UXS1: variants seen among roughly 807,000 people sequenced by gnomAD.
UXS1 encodes UDP-glucuronate decarboxylase 1.
UXS1 carries 33 observed loss-of-function variants against 62.6 expected under a neutral mutation model. That is an observed-to-expected ratio of 0.53 (90% CI 0.40 to 0.70). The LOEUF is 0.70. Among genes scored for constraint, UXS1 ranks in the 30% least tolerant of loss-of-function variants. The pLI is 0.00. For synonymous variants in UXS1, 213 were observed against 206.8 expected (o/e 1.03, Z -0.26); for missense variants, 434 against 556.3 (o/e 0.78, Z 2.21).
At chr2:106,188,540 G>A (rs1270018894) in intron 1 of UXS1, among the ~76,000 whole-genome samples, 2 of 152,226 alleles carry the variant, frequency 1.3e-5, no homozygotes, top group Non-Finnish European at 2.9e-5. Context: ...GTCTCTGACA[G>A]AGGAGCCCAG....
At chr2:106,113,321 G>A (rs1678775549) in intron 9 of UXS1, among the ~76,000 whole-genome samples, 1 of 152,178 alleles carries the variant, frequency 6.6e-6, no homozygotes, top group Non-Finnish European at 1.5e-5. Context: ...ATCTGTTTTA[G>A]TGAGAAACTA....
At chr2:106,106,187 A>G (rs1678049620) in intron 10 of UXS1, among the ~76,000 whole-genome samples, 1 of 152,126 alleles carries the variant, frequency 6.6e-6, no homozygotes, top group South Asian at 2.1e-4. Flanking sequence ...CAACATGGAG[A>G]AACCCTGTCT....
At chr2:106,113,171 A>G (rs946524088) in intron 9 of UXS1, among the ~76,000 whole-genome samples, 2 of 152,218 alleles carry the variant, frequency 1.3e-5, no homozygotes, top group Non-Finnish European at 2.9e-5. Flanking sequence ...TTAATCACTC[A>G]ATAGAGATTT....
intron 8 of UXS1, among the ~76,000 whole-genome samples, chr2:106,125,336 T>C (rs1301563652): frequency 6.6e-6 from 1 of 152,216 alleles, no homozygotes; most frequent in Non-Finnish European, 1.5e-5. Context: ...TGGGGTGTTT[T>C]CAGAGCAGAA....
chr2:106,107,309 T>C (rs1239230271), intron 10 of UXS1, among the ~76,000 whole-genome samples: 1 of 152,208 alleles, frequency 6.6e-6, no homozygotes, highest in Non-Finnish European at 1.5e-5. Context: ...AGAGCGGCAG[T>C]GGCCTTCAAC....
chr2:106,115,349 G>T (rs1015544416), intron 9 of UXS1, among the ~76,000 whole-genome samples: 1 of 152,170 alleles, frequency 6.6e-6, no homozygotes, highest in African/African-American at 2.4e-5. Context: ...ATGAACCCCT[G>T]ACTCCCACAC....
chr2:106,095,627 A>G (rs1323350979), intron 14 of UXS1, among the ~76,000 whole-genome samples: 1 of 152,228 alleles, frequency 6.6e-6, no homozygotes, highest in Non-Finnish European at 1.5e-5. Context: ...GTCAGGTCTG[A>G]CAGGTGCCGG....
chr2:106,127,242 T>C (rs1036781707), intron 7 of UXS1, among the ~76,000 whole-genome samples: 1 of 152,222 alleles, frequency 6.6e-6, no homozygotes, highest in Non-Finnish European at 1.5e-5. Context: ...TTTTCATTTC[T>C]CTGGGAGAAA....
intron 5 of UXS1, among the ~76,000 whole-genome samples, chr2:106,148,414 A>G (rs890537683): frequency 4.6e-5 from 7 of 152,202 alleles, no homozygotes; most frequent in African/African-American, 1.4e-4. Flanking sequence ...CTGTTTCTCT[A>G]TATGCAAATA....
intron 1 of UXS1, among the ~76,000 whole-genome samples, chr2:106,167,881 G>A (rs1388208264): frequency 6.6e-6 from 1 of 152,158 alleles, no homozygotes; most frequent in Admixed American, 6.5e-5. Flanking sequence ...CAGGTCATGG[G>A]CCGGGCACTG....
At chr2:106,168,886 T>TG (rs1231413247) in intron 1 of UXS1, among the ~76,000 whole-genome samples, 6 of 152,178 alleles carry the variant, frequency 3.9e-5, no homozygotes, top group African/African-American at 1.4e-4. Flanking sequence ...TAAAATGCAT[T>TG]GGGAAAAAAA....
intron 6 of UXS1, among the ~76,000 whole-genome samples, chr2:106,139,353 G>C (rs1466191023): frequency 6.6e-6 from 1 of 152,212 alleles, no homozygotes; most frequent in Non-Finnish European, 1.5e-5. Context: ...TCCTACCAGA[G>C]AGCATGCAGG....
intron 6 of UXS1, among the ~76,000 whole-genome samples, chr2:106,136,758 G>C (rs1461442533): frequency 1.8e-5 from 1 of 55,238 alleles, no homozygotes; most frequent in Non-Finnish European, 3.5e-5. Context: ...TCTGGGGACT[G>C]TGGTGGGGTC....
intron 9 of UXS1, among the ~76,000 whole-genome samples, chr2:106,115,194 T>A (rs530040149): frequency 1.8e-4 from 28 of 152,254 alleles, no homozygotes; most frequent in Admixed American, 1.5e-3. Flanking sequence ...TCATCTCAGA[T>A]CTGAGGCAAG....
chr2:106,171,240 T>G (rs1683535668), intron 1 of UXS1, among the ~76,000 whole-genome samples: 1 of 152,226 alleles, frequency 6.6e-6, no homozygotes, highest in African/African-American at 2.4e-5. Flanking sequence ...TTTTAAAGGA[T>G]ATGATTAAAA....
chr2:106,163,690 C>A lies in UXS1; in HGVS notation c.207G>T (p.Glu69Asp). ...ACCTTTTTTCTAAATCTCTGATTTT[C>A]TCTCTTAGTGGTTCAACCATCTAGA... ...KIEEMVEPLR[E>D]KIRDLEKSFT... Residue 69 changes from glutamate (E) to aspartate (D), a missense_variant, in exon 4 of 15, where the codon GAG becomes GAT. Glu to Asp is a conservative substitution (Grantham distance 45). Coordinates refer to ENST00000283148, the MANE Select transcript of UXS1 (RefSeq NM_001253875.2). 1.4e-6 allele frequency: 2 copies of A among 1,471,370 alleles called. No individual in the cohort carries two copies. 91.1% of individuals were successfully genotyped at this position (1,471,370 alleles called of 1,614,324 possible).
At chr2:106,121,846 C>A (rs1304380827) in intron 9 of UXS1, among the ~76,000 whole-genome samples, 1 of 152,208 alleles carries the variant, frequency 6.6e-6, no homozygotes, top group African/African-American at 2.4e-5. Flanking sequence ...ACATTCTCTC[C>A]TACCCCTCAG....
chr2:106,107,788 C>T (rs892827402), intron 10 of UXS1, among the ~76,000 whole-genome samples: 1 of 152,226 alleles, frequency 6.6e-6, no homozygotes, highest in African/African-American at 2.4e-5. Context: ...GGCAGCTCCC[C>T]ACCCAGCCAG....
intron 1 of UXS1, among the ~76,000 whole-genome samples, chr2:106,192,488 A>T (rs1025179751): frequency 1.3e-5 from 2 of 150,572 alleles, no homozygotes; most frequent in Admixed American, 1.3e-4. Flanking sequence ...CGGGAGGTGG[A>T]GCGTGCAGTG....
Sources: gnomAD v4.1 joint callset for allele counts (sites outside exome capture counted in the v4.1 genomes callset) on GRCh38, gnomAD v4.1.1 for gene constraint, MANE v1.5 for transcripts, NCBI Gene and HGNC (gene_info 2026-07-23, HGNC 2026-07-21) for gene names.